The following SND1 variants were observed in gnomAD, a reference collection of about 807,000 sequenced individuals.
SND1 encodes staphylococcal nuclease domain-containing protein 1.
In SND1, 38 loss-of-function variants were observed where a neutral mutation model predicts 121.7. That is an observed-to-expected ratio of 0.31 (90% CI 0.24 to 0.41). The LOEUF (loss-of-function observed/expected upper bound fraction) is 0.41, where lower values mean the gene tolerates loss of function less well. Ranked by LOEUF, SND1 falls within the 10% of genes least tolerant of loss-of-function variation. The pLI is 1.00. For missense variants in SND1, 868 were observed against 1,184.6 expected (o/e 0.73, Z 3.92); for synonymous variants, 401 against 447.4 (o/e 0.90, Z 1.31).
intron 10 of SND1, among the ~76,000 whole-genome samples, chr7:127,801,179 G>A (rs75648668): frequency 1.5e-3 from 236 of 152,278 alleles, no homozygotes; most frequent in Non-Finnish European, 2.8e-3. Context: ...GTGCCACATA[G>A]CGCCACATCA....
chr7:127,837,806 T>G (rs935530645), intron 11 of SND1, among the ~76,000 whole-genome samples: 2 of 152,240 alleles, frequency 1.3e-5, no homozygotes, highest in Non-Finnish European at 2.9e-5. Context: ...AAGGAGCACT[T>G]TGTATGGAAG....
At chr7:127,737,242 A>G (rs1258821662) in intron 10 of SND1, among the ~76,000 whole-genome samples, 1 of 152,208 alleles carries the variant, frequency 6.6e-6, no homozygotes, top group East Asian at 1.9e-4. Context: ...CTGTGCGTGA[A>G]GTCTGAGTAC....
At chr7:127,760,141 A>C (rs934738138) in intron 10 of SND1, among the ~76,000 whole-genome samples, 1 of 152,186 alleles carries the variant, frequency 6.6e-6, no homozygotes, top group East Asian at 1.9e-4. Flanking sequence ...TGCTCTGGAA[A>C]TGTCATCTTA....
At chr7:127,938,176 CATT>C (rs1415300201) in intron 15 of SND1, among the ~76,000 whole-genome samples, 1 of 152,122 alleles carries the variant, frequency 6.6e-6, no homozygotes, top group Admixed American at 6.5e-5. Flanking sequence ...TTAAAGATAT[CATT>C]ATAGGAATTA....
At chr7:128,025,635 C>G (rs1280263854) in intron 16 of SND1, among the ~76,000 whole-genome samples, 1 of 152,208 alleles carries the variant, frequency 6.6e-6, no homozygotes, top group Non-Finnish European at 1.5e-5. Context: ...GGATGCCTCT[C>G]TGAAAAGCTG....
chr7:127,982,376 G>A (rs1006363903), intron 15 of SND1, among the ~76,000 whole-genome samples: 2 of 152,216 alleles, frequency 1.3e-5, no homozygotes, highest in Non-Finnish European at 2.9e-5. Context: ...AACAGCTTCA[G>A]TCTCAGCTTC....
chr7:127,815,437 C>G (rs1798420570), intron 11 of SND1, among the ~76,000 whole-genome samples: 1 of 151,920 alleles, frequency 6.6e-6, no homozygotes, highest in Non-Finnish European at 1.5e-5. Flanking sequence ...CCGCAGTGAA[C>G]CATGATCATG....
chr7:127,793,554 G>A (rs1477641667), intron 10 of SND1, among the ~76,000 whole-genome samples: 3 of 152,064 alleles, frequency 2.0e-5, no homozygotes, highest in South Asian at 2.1e-4. Flanking sequence ...GGAAAGGTAA[G>A]GGTTTCATTG....
intron 9 of SND1, among the ~76,000 whole-genome samples, chr7:127,713,182 T>C (rs1453942654): frequency 6.6e-6 from 1 of 152,238 alleles, no homozygotes; most frequent in Admixed American, 6.5e-5. Flanking sequence ...AGAACAGACA[T>C]GGACAGTGTG....
At chr7:127,993,594 T>C (rs1802570191) in intron 16 of SND1, among the ~76,000 whole-genome samples, 1 of 152,280 alleles carries the variant, frequency 6.6e-6, no homozygotes, top group South Asian at 2.1e-4. Context: ...GCAGTTGAAC[T>C]GGTTTTTTGT....
chr7:127,845,422 G>A (rs948044455), intron 12 of SND1, among the ~76,000 whole-genome samples: 10 of 152,218 alleles, frequency 6.6e-5, no homozygotes, highest in African/African-American at 2.2e-4. Flanking sequence ...TTGCCAGGAG[G>A]CGCTCAGTAT....
chr7:127,875,152 C>A (rs950761990), intron 12 of SND1, among the ~76,000 whole-genome samples: 1 of 152,050 alleles, frequency 6.6e-6, no homozygotes, highest in African/African-American at 2.4e-5. Flanking sequence ...TCTTTTTGCT[C>A]AAAAATTCTA....
intron 14 of SND1, among the ~76,000 whole-genome samples, chr7:127,922,175 C>CTTTTTTTTTTTTTTTTTTTTTCTTTTTT (rs1800722453): frequency 1.7e-5 from 1 of 57,176 alleles, no homozygotes; most frequent in African/African-American, 7.5e-5. Context: ...TTTTTCTTTC[C>CTTTTTTTTTTTTTTTTTTTTTCTTTTTT]TTTTTTTTTT....
At chr7:127,761,383 G>A (rs545675713) in intron 10 of SND1, among the ~76,000 whole-genome samples, 25 of 152,322 alleles carry the variant, frequency 1.6e-4, no homozygotes, top group African/African-American at 5.8e-4. Flanking sequence ...GAATTTCAAG[G>A]TGTGAGAGCT....
intron 1 of SND1, among the ~76,000 whole-genome samples, chr7:127,682,895 T>C (rs1795750921): frequency 6.6e-6 from 1 of 152,212 alleles, no homozygotes; most frequent in Admixed American, 6.5e-5. Flanking sequence ...AGGAATAAAA[T>C]TATAACAATA....
At chr7:127,919,636 C>A (rs1329731656) in intron 14 of SND1, among the ~76,000 whole-genome samples, 1 of 152,100 alleles carries the variant, frequency 6.6e-6, no homozygotes, top group Admixed American at 6.5e-5. Context: ...ATGCCATATA[C>A]CATGTGTAAG....
At chr7:127,888,394 A>T (rs1799950729) in intron 13 of SND1, among the ~76,000 whole-genome samples, 1 of 151,868 alleles carries the variant, frequency 6.6e-6, no homozygotes. Flanking sequence ...AAAGGCCTCT[A>T]CTCCTAGCCC....
At chr7:127,952,987 A>AC (rs1337583542) in intron 15 of SND1, among the ~76,000 whole-genome samples, 6 of 151,694 alleles carry the variant, frequency 4.0e-5, no homozygotes, top group Non-Finnish European at 7.4e-5. Flanking sequence ...ATATAGTGAG[A>AC]CCCCCATCTC....
intron 17 of SND1, among the ~76,000 whole-genome samples, chr7:128,078,759 G>A (rs376968658): frequency 3.3e-5 from 5 of 152,218 alleles, no homozygotes; most frequent in Admixed American, 6.5e-5. Context: ...CTGAGGGGCC[G>A]CCTTCCCCCA....
Sources: gnomAD v4.1 joint callset for allele counts (sites outside exome capture counted in the v4.1 genomes callset) on GRCh38, gnomAD v4.1.1 for gene constraint, MANE v1.5 for transcripts, NCBI Gene and HGNC (gene_info 2026-07-23, HGNC 2026-07-21) for gene names.